Variants in TEK observed in about 807,000 individuals in gnomAD.
TEK encodes TEK receptor tyrosine kinase, also known as angiopoietin-1 receptor.
In TEK, 43 loss-of-function variants were observed where a neutral mutation model predicts 131.8. That is an observed-to-expected ratio of 0.33 (90% confidence interval 0.26 to 0.42). TEK has a LOEUF of 0.42. Among genes scored for constraint, TEK ranks in the 10% least tolerant of loss-of-function variants. The pLI, the probability that TEK is intolerant of heterozygous loss-of-function variation, is 1.00. For synonymous variants in TEK, 580 were observed against 491.6 expected (o/e 1.18, Z -2.38); for missense variants, 1,162 against 1,384.4 (o/e 0.84, Z 2.55).
chr9:27,162,351 C>T (rs1048002617), intron 2 of TEK, among the ~76,000 whole-genome samples: 3 of 152,168 alleles, frequency 2.0e-5, no homozygotes, highest in South Asian at 2.1e-4. Context: ...TTGGCTCACA[C>T]ACTCCAAACA....
At chr9:27,212,930 T>C in intron 17 of TEK, 33 bp downstream of exon 17, 1 of 1,607,532 alleles carries the variant, frequency 6.2e-7, no homozygotes, top group Non-Finnish European at 8.5e-7. Flanking sequence ...TGGATATCTT[T>C]CCTGTGGAGT....
chr9:27,177,885 T>C (rs935120043), intron 6 of TEK, among the ~76,000 whole-genome samples: 15 of 152,256 alleles, frequency 9.9e-5, no homozygotes, highest in African/African-American at 3.6e-4. Context: ...GTGTATACTT[T>C]GGAAATACAT....
At chr9:27,191,965 G>A (rs1234147678) in intron 10 of TEK, 1 of 455,534 alleles carries the variant, frequency 2.2e-6, no homozygotes, top group Non-Finnish European at 4.4e-6. Context: ...AAAGCAAATA[G>A]GTAAGGAGAA....
rs530204885 is a variant in TEK, at chr9:27,114,366, TC to T, written c.52+4726del. ...GGTGGGCAGATCACGAGATCAGGAG[TC>T]CGAGACCAGCCTGACCAACATGGTG... On this transcript the variant is annotated intron_variant, in intron 1 of 22. Transcript: ENST00000380036. Among the ~76,000 whole-genome samples, 28 of 151,916 alleles carry T rather than the reference TC, an allele frequency of 1.8e-4. 1 individual carries two copies. The South Asian group carries it at 5.8e-3, about 32-fold the overall frequency.
At chr9:27,215,825 A>G (rs603561) in intron 18 of TEK, among the ~76,000 whole-genome samples, 132,220 of 152,136 alleles carry the variant, frequency 0.87, 57,863 homozygotes, top group East Asian at 1. Context: ...GAAAGCATAG[A>G]TGCTACGGGA....
intron 1 of TEK, among the ~76,000 whole-genome samples, chr9:27,156,616 T>A (rs1269034822): frequency 6.6e-6 from 1 of 152,134 alleles, no homozygotes; most frequent in African/African-American, 2.4e-5. Flanking sequence ...AGCATTTGAA[T>A]CCCAGCTCTG....
Position 27,212,909 on chromosome 9 carries a change from G to A in TEK, c.2877+12G>A, listed in dbSNP as rs1406377711. ...TGAGCCAAAAACAGGTTTGTCCGGA[G>A]GACTTCGCTTTGGATATCTTTCCTG... On this transcript the variant is annotated intron_variant, in intron 17 of 22. Transcript: ENST00000380036. The A allele has an allele frequency of 6.2e-7, 1 of 1,612,996 alleles. No homozygotes were observed. The highest frequency in any genetic ancestry group is 8.5e-7 in the Non-Finnish European group (1 of 1,179,906).
intron 20 of TEK, among the ~76,000 whole-genome samples, chr9:27,219,136 T>C (rs1282555722): frequency 1.3e-5 from 2 of 152,158 alleles, no homozygotes; most frequent in East Asian, 1.9e-4. Context: ...TTGAAAGCCA[T>C]TTAATAGCAT....
intron 21 of TEK, among the ~76,000 whole-genome samples, chr9:27,221,829 T>C (rs1219524303): frequency 6.6e-6 from 1 of 152,030 alleles, no homozygotes; most frequent in East Asian, 1.9e-4. Flanking sequence ...CCAGAATGCC[T>C]CTCCTCCTCC....
chr9:27,202,674 A>T (rs1587007745), intron 12 of TEK, 146 bp from the exon 13 acceptor site: 1 of 783,902 alleles, frequency 1.3e-6, no homozygotes, highest in Non-Finnish European at 2.1e-6. Flanking sequence ...CGTGGAGTCC[A>T]GTAGCCACTA....
intron 1 of TEK, among the ~76,000 whole-genome samples, chr9:27,128,133 C>T (rs1822061776): frequency 6.6e-6 from 1 of 152,080 alleles, no homozygotes; most frequent in African/African-American, 2.4e-5. Context: ...GTCTTTAATC[C>T]ATCTTGAATT....
In TEK at chr9:27,217,853, G is replaced by C. The variant is rs681707; in HGVS notation, c.3062+95G>C. On this transcript the variant is annotated intron_variant, in intron 19 of 22. Transcript: ENST00000380036. ...TAAAAAGATACAGGAATGTCCTGTA[G>C]CTCTCGGGAACAAAGGTAACTAAAA... 913,420 of 1,092,226 alleles carry C rather than the reference G, an allele frequency of 0.84. 383,518 individuals carry two copies. Among genetic ancestry groups the C allele is most frequent in the East Asian group, 1 (41,602 of 41,648 alleles). The allele number at this position is 1,092,226 out of a possible 1,614,324, so 67.7% of individuals were successfully genotyped here.
chr9:27,157,454 A>T (rs1029755899), intron 1 of TEK, among the ~76,000 whole-genome samples: 1 of 152,232 alleles, frequency 6.6e-6, no homozygotes, highest in African/African-American at 2.4e-5. Flanking sequence ...ACAGTATCAC[A>T]TTAGCATCAA....
chr9:27,217,404 G>T (rs73643159), intron 18 of TEK, among the ~76,000 whole-genome samples: 1 of 152,068 alleles, frequency 6.6e-6, no homozygotes, highest in Non-Finnish European at 1.5e-5. Context: ...TTCAAGCCTC[G>T]GAGTGCCTCT....
intron 1 of TEK, among the ~76,000 whole-genome samples, chr9:27,153,513 A>G (rs1052512596): frequency 6.6e-6 from 1 of 152,282 alleles, no homozygotes; most frequent in Non-Finnish European, 1.5e-5. Context: ...TCTAAAACTT[A>G]TAAGATGTAT....
At chr9:27,174,107 T>C (rs1824075830) in intron 6 of TEK, among the ~76,000 whole-genome samples, 1 of 152,178 alleles carries the variant, frequency 6.6e-6, no homozygotes. Context: ...CCAGGCTCTG[T>C]GGAGTGCATC....
chr9:27,152,313 G>A (rs1823155867), intron 1 of TEK, among the ~76,000 whole-genome samples: 1 of 151,894 alleles, frequency 6.6e-6, no homozygotes, highest in Non-Finnish European at 1.5e-5. Flanking sequence ...AATTTAATCT[G>A]CCTAAAATTG....
At chr9:27,219,734 A>C (rs879294109) in intron 20 of TEK, among the ~76,000 whole-genome samples, 2 of 138,778 alleles carry the variant, frequency 1.4e-5, no homozygotes, top group Non-Finnish European at 1.6e-5. Flanking sequence ...TCAGAAAAAA[A>C]GGTTAATCTT....
At position 27,229,101 on chromosome 9, in the gene TEK, G is replaced by A. The variant is rs10757644; in HGVS notation, c.3301-57G>A. ...AAACCAAGGTATTGCTGTAACTGCC[G>A]CTGGCAGAGGTGGAATCAAAGCAGC... On this transcript the variant is annotated intron_variant, in intron 22 of 22. Coordinates refer to ENST00000380036, the MANE Select transcript of TEK (RefSeq NM_000459.5). 106,166 of 1,520,760 alleles carry A rather than the reference G, an allele frequency of 0.07. 5,515 individuals are homozygous for A. Among genetic ancestry groups the A allele is most frequent in the Admixed American group, 0.22 (13,338 of 59,776 alleles). The allele number at this position is 1,520,760 out of a possible 1,614,324, so 94.2% of individuals were successfully genotyped here.
Sources: allele counts gnomAD v4.1 joint callset (sites outside exome capture counted in the v4.1 genomes callset), GRCh38; gene constraint gnomAD v4.1.1; transcripts MANE v1.5; gene names NCBI Gene and HGNC (gene_info 2026-07-23, HGNC 2026-07-21).